Variants in WDR41 observed in about 807,000 individuals in gnomAD.
WDR41 encodes the protein WD repeat domain 41, also known as WD repeat-containing protein 41.
Under a neutral mutation model 69.3 loss-of-function variants are expected in WDR41, and 63 were observed. The ratio of observed to expected loss-of-function variants is 0.91; its 90% CI spans 0.74 to 1.12. The LOEUF is 1.12. Among genes scored for constraint, WDR41 ranks in the 50% most tolerant of loss-of-function variants. WDR41 has a pLI of 0.00. For missense variants in WDR41, 543 were observed against 534.5 expected, an observed-to-expected ratio of 1.02 and a Z score of -0.16; for synonymous variants, 185 against 192.1, an observed-to-expected ratio of 0.96 and a Z score of 0.31.
At chr5:77,505,433 G>A (rs913810296) in intron 1 of WDR41, among the ~76,000 whole-genome samples, 1 of 152,134 alleles carries the variant, frequency 6.6e-6, no homozygotes, top group Non-Finnish European at 1.5e-5. Flanking sequence ...AATCAATATC[G>A]TGAAAATGGC....
chr5:77,438,441 C>T, intron 9 of WDR41, 80 bp from the exon 10 acceptor site: 1 of 1,552,394 alleles, frequency 6.4e-7, no homozygotes, highest in Non-Finnish European at 8.7e-7. Flanking sequence ...CCTCATGTGA[C>T]ATCAGAAAGC....
rs1216302319 is a variant in WDR41 at position 77,453,734 on chromosome 5, C to A, written c.523+83G>T. The A allele has an allele frequency of 3.6e-6, 4 of 1,124,136 alleles. No individual in the cohort carries two copies. In the East Asian group the frequency reaches 9.8e-5, roughly 28 times the overall value. The allele number at this position is 1,124,136 out of a possible 1,614,324, so 69.6% of individuals were successfully genotyped here. On this transcript the variant is annotated intron_variant, in intron 6 of 12. Coordinates refer to ENST00000296679, the MANE Select transcript of WDR41 (RefSeq NM_018268.4). ...AGAAAAATCCCCTATATTGACCTTT[C>A]TACTTATGGAAAGTCTCTCTGAAGA...
chr5:77,484,827 T>C (rs1277961973), intron 2 of WDR41, among the ~76,000 whole-genome samples: 1 of 152,180 alleles, frequency 6.6e-6, no homozygotes, highest in East Asian at 1.9e-4. Context: ...GTGAGGAATA[T>C]AGTTATCTGA....
Position 77,437,415 on chromosome 5 carries a change from G to C in WDR41, c.1014C>G (p.Ile338Met), listed in dbSNP as rs1375122961. Residue 338 changes from isoleucine (I) to methionine (M), a missense_variant, in exon 11 of 13, where the codon ATC becomes ATG. Ile to Met is a conservative substitution (Grantham distance 10, BLOSUM62 1). Transcript: ENST00000296679. Reference protein sequence around the residue: ...HVARLPNRQLISCSEDGSVRI... With the variant: ...HVARLPNRQLMSCSEDGSVRI... ...GTACACTGCCATCTTCTGAGCATGA[G>C]ATTAACTGCCTGTCAGAACAGAAAA... 1 of 1,613,742 alleles carries C rather than the reference G, an allele frequency of 6.2e-7. No homozygotes were observed.
intron 1 of WDR41, among the ~76,000 whole-genome samples, chr5:77,562,805 C>T (rs181494915): frequency 6.6e-6 from 1 of 152,256 alleles, no homozygotes; most frequent in Admixed American, 6.5e-5. Context: ...TACCAAGAGG[C>T]TAGTAAACAT....
intron 1 of WDR41, among the ~76,000 whole-genome samples, chr5:77,524,801 C>T (rs1235907513): frequency 6.6e-6 from 1 of 152,196 alleles, no homozygotes; most frequent in Non-Finnish European, 1.5e-5. Context: ...AATCACTGAC[C>T]TAGGAGTTGA....
At chr5:77,593,862 A>C (rs1256596023) in intron 1 of WDR41, among the ~76,000 whole-genome samples, 3 of 152,184 alleles carry the variant, frequency 2.0e-5, no homozygotes, top group African/African-American at 4.8e-5. Flanking sequence ...ATTGGCATTC[A>C]AACAGACAAT....
At chr5:77,550,054 A>G (rs774502289) in intron 1 of WDR41, among the ~76,000 whole-genome samples, 1 of 152,190 alleles carries the variant, frequency 6.6e-6, no homozygotes, top group Non-Finnish European at 1.5e-5. Context: ...AGAAGAAAAA[A>G]AAAGGACCTC....
At chr5:77,547,946 C>T (rs146766884) in intron 1 of WDR41, among the ~76,000 whole-genome samples, 2,079 of 152,048 alleles carry the variant, frequency 0.014, 54 homozygotes, top group Middle Eastern at 0.078. Flanking sequence ...TATAGACCAA[C>T]GGAACAGAAT....
intron 2 of WDR41, among the ~76,000 whole-genome samples, chr5:77,480,748 G>A (rs902540818): frequency 1.7e-4 from 25 of 150,970 alleles, no homozygotes; most frequent in African/African-American, 5.4e-4. Flanking sequence ...TGGGTGCAGC[G>A]CACCAGCATG....
intron 12 of WDR41, among the ~76,000 whole-genome samples, chr5:77,434,604 CTG>C (rs1300475054): frequency 7.9e-5 from 12 of 151,622 alleles, no homozygotes; most frequent in Non-Finnish European, 1.6e-4. Flanking sequence ...ACTTGGGAGA[CTG>C]AGGCAGGAGA....
chr5:77,466,312 TA>T (rs1800302444), intron 2 of WDR41, among the ~76,000 whole-genome samples: 1 of 151,968 alleles, frequency 6.6e-6, no homozygotes, highest in Non-Finnish European at 1.5e-5. Context: ...ATCAGATTAG[TA>T]AATAGTACCT....
intron 1 of WDR41, chr5:77,545,669 C>A: frequency 2.3e-6 from 1 of 428,924 alleles, no homozygotes; most frequent in Non-Finnish European, 4.1e-6. Context: ...TTCCTGGGGG[C>A]CTCTCTCAAG....
intron 12 of WDR41, among the ~76,000 whole-genome samples, chr5:77,434,660 G>T (rs1354389788): frequency 6.6e-6 from 1 of 151,956 alleles, no homozygotes; most frequent in Non-Finnish European, 1.5e-5. Context: ...ACCCAAGACT[G>T]CACTCCAGCC....
intron 1 of WDR41, among the ~76,000 whole-genome samples, chr5:77,565,398 T>G (rs571700137): frequency 6.0e-4 from 92 of 152,240 alleles, no homozygotes; most frequent in Non-Finnish European, 1.0e-3. Flanking sequence ...CAGATCTAAT[T>G]TTTAGTCTGA....
chr5:77,445,968 G>A (rs1388162038), intron 8 of WDR41, among the ~76,000 whole-genome samples: 1 of 152,076 alleles, frequency 6.6e-6, no homozygotes, highest in Non-Finnish European at 1.5e-5. Context: ...CAAATAGGAA[G>A]AGAGGAAGTC....
intron 12 of WDR41, among the ~76,000 whole-genome samples, chr5:77,433,953 G>A (rs957783481): frequency 1.3e-5 from 2 of 152,216 alleles, no homozygotes; most frequent in Non-Finnish European, 1.5e-5. Flanking sequence ...ACAAAAGGCA[G>A]CATGAATACT....
intron 1 of WDR41, among the ~76,000 whole-genome samples, chr5:77,569,217 A>G (rs1743688432): frequency 6.6e-6 from 1 of 152,202 alleles, no homozygotes. Context: ...TAAGGAACTT[A>G]CTTCATCTTT....
chr5:77,550,205 C>T (rs1743271124), intron 1 of WDR41, among the ~76,000 whole-genome samples: 1 of 152,050 alleles, frequency 6.6e-6, no homozygotes. Context: ...TGACTAAATT[C>T]TCAAAAGTAA....
Sources: allele counts gnomAD v4.1 joint callset (sites outside exome capture counted in the v4.1 genomes callset), GRCh38; gene constraint gnomAD v4.1.1; transcripts MANE v1.5; gene names NCBI Gene and HGNC (gene_info 2026-07-23, HGNC 2026-07-21).